The following BNC1 variants were observed in gnomAD, a reference collection of about 807,000 sequenced individuals.
BNC1 encodes the protein zinc finger protein basonuclin-1.
BNC1 carries 8 observed loss-of-function variants against 66.5 expected under a neutral mutation model. That is an observed-to-expected ratio of 0.12 (90% CI 0.07 to 0.22). The LOEUF (loss-of-function observed/expected upper bound fraction) is 0.22, where lower values mean the gene tolerates loss of function less well. Among genes scored for constraint, BNC1 ranks in the 10% least tolerant of loss-of-function variants. BNC1 has a pLI of 1.00. For synonymous variants in BNC1, 454 were observed against 452.6 expected (o/e 1.00, Z -0.04); for missense variants, 1,069 against 1,241.3 (o/e 0.86, Z 2.09).
rs141711507 is a variant in BNC1 at position 83,257,950 on chromosome 15, C to T, written c.2477G>A (p.Arg826Gln). The T allele has an allele frequency of 5.9e-5, 96 of 1,614,018 alleles. No homozygotes were observed. The highest frequency in any genetic ancestry group is 3.7e-4 in the Admixed American group (22 of 60,008). Reference sequence around the variant, plus strand: ...TATTGGGTAAACCAGACTGCCCATTCGACTTGTTCCTTTGAAGATGACAGA... The same window carrying T: ...TATTGGGTAAACCAGACTGCCCATTTGACTTGTTCCTTTGAAGATGACAGA... ...QTSVIFKGTS[R>Q]MGSLVYPITQ... The change falls in exon 5 of 5, where the codon CGA (arginine) becomes CAA (glutamine). Residue 826 changes from arginine to glutamine, a missense_variant. Arg to Gln is a conservative substitution (Grantham distance 43, BLOSUM62 1). Coordinates refer to ENST00000345382, the MANE Select transcript of BNC1 (RefSeq NM_001717.4).
intron 1 of BNC1, among the ~76,000 whole-genome samples, chr15:83,270,918 C>T (rs2038263507): frequency 6.6e-6 from 1 of 152,156 alleles, no homozygotes; most frequent in African/African-American, 2.4e-5. Context: ...ATACTGAAAG[C>T]CACTCAACTG....
intron 1 of BNC1, among the ~76,000 whole-genome samples, chr15:83,274,419 C>T (rs1207615709): frequency 6.6e-6 from 1 of 151,994 alleles, no homozygotes; most frequent in East Asian, 1.9e-4. Context: ...AAAATTCAGC[C>T]CCTTGGTCAC....
chr15:83,280,162 C>T (rs1282830097), intron 1 of BNC1, among the ~76,000 whole-genome samples: 1 of 152,064 alleles, frequency 6.6e-6, no homozygotes, highest in Non-Finnish European at 1.5e-5. Flanking sequence ...AACATGCAAA[C>T]ACTACCTTAA....
chr15:83,283,383 C>A (rs932628826), intron 1 of BNC1: 1 of 1,333,116 alleles, frequency 7.5e-7, no homozygotes, highest in Non-Finnish European at 9.6e-7. Flanking sequence ...CGGGAGACCC[C>A]GCAGCGGCCT....
chr15:83,283,065 G>GC (rs1567197280), intron 1 of BNC1: 3 of 1,484,428 alleles, frequency 2.0e-6, no homozygotes, highest in Non-Finnish European at 1.8e-6. Flanking sequence ...AGCGTCTGAT[G>GC]CCCCCCGCCC....
At chr15:83,276,227 A>C (rs77378189) in intron 1 of BNC1, among the ~76,000 whole-genome samples, 26 of 152,324 alleles carry the variant, frequency 1.7e-4, no homozygotes, top group Non-Finnish European at 3.2e-4. Context: ...ACAACAAGTA[A>C]GTTCTTCGGT....
chr15:83,260,349 A>C (rs1253010030), intron 4 of BNC1, among the ~76,000 whole-genome samples: 1 of 152,058 alleles, frequency 6.6e-6, no homozygotes, highest in East Asian at 2.0e-4. Context: ...GTTAATATAT[A>C]ATTTAAAGTT....
intron 2 of BNC1, among the ~76,000 whole-genome samples, chr15:83,267,763 G>A (rs2151437079): frequency 6.6e-6 from 1 of 152,050 alleles, no homozygotes; most frequent in South Asian, 2.1e-4. Context: ...ATATTCATTG[G>A]GATATACCTA....
Position 83,264,721 on chromosome 15 carries a change from T to G in BNC1, c.530A>C (p.Lys177Thr), listed in dbSNP as rs1453243322. The change falls in exon 4 of 5, where the codon AAA becomes ACA. Residue 177 changes from lysine to threonine, a missense_variant. By Grantham distance (78) the Lys-to-Thr change is moderately conservative (BLOSUM62 -1). This residue lies in a region of BNC1 where 181 missense variants were observed against 181.5 expected (regional missense o/e 1.00). Coordinates refer to ENST00000345382, the MANE Select transcript of BNC1 (RefSeq NM_001717.4). ...AATTGCCATGAGTTCAACTATAGAT[T>G]TGGTCTCTCCAAAACGAAGGAACTG... The part of the protein sequence containing the change: ...LQQFLRFGET[K>T]SIVELMAIQE... 6.2e-7 allele frequency: 1 copy of G among 1,614,134 alleles called. No individual in the cohort carries two copies.
At chr15:83,274,546 C>T (rs1178990478) in intron 1 of BNC1, among the ~76,000 whole-genome samples, 1 of 152,160 alleles carries the variant, frequency 6.6e-6, no homozygotes, top group East Asian at 1.9e-4. Flanking sequence ...AGGCTGAGTT[C>T]AATGGTAGGT....
At chr15:83,269,405 AAG>A (rs1468811880) in intron 1 of BNC1, among the ~76,000 whole-genome samples, 7 of 151,976 alleles carry the variant, frequency 4.6e-5, no homozygotes, top group African/African-American at 7.3e-5. Flanking sequence ...TATGATTCAC[AAG>A]AGTCTTGAAA....
Position 83,268,175 on chromosome 15 carries a change from G to A in BNC1, c.157C>T (p.His53Tyr), listed in dbSNP as rs1392827329. 1.9e-6 allele frequency: 3 copies of A among 1,614,158 alleles called. No individual in the cohort carries two copies. Among genetic ancestry groups the A allele is most frequent in the Admixed American group, 3.3e-5 (2 of 60,026 alleles). The change falls in exon 2 of 5, where the codon CAC (histidine) becomes TAC (tyrosine). Residue 53 changes from histidine to tyrosine, a missense_variant. His to Tyr is a moderately conservative substitution (Grantham distance 83). Transcript: ENST00000345382. ...TGCTTGCATTGGTCACACTGACGGT[G>A]GTTTATTTTCCCGGGTTTGAAACTT... ...CQSFKPGKIN[H>Y]RQCDQCKHGW...
intron 1 of BNC1, among the ~76,000 whole-genome samples, chr15:83,274,531 G>A (rs2038300326): frequency 6.6e-6 from 1 of 152,178 alleles, no homozygotes; most frequent in South Asian, 2.1e-4. Flanking sequence ...AAGCTCTACT[G>A]GACAAGGCTG....
chr15:83,258,810 GATA>G (rs1469611013), intron 4 of BNC1, among the ~76,000 whole-genome samples: 1 of 152,160 alleles, frequency 6.6e-6, no homozygotes, highest in Non-Finnish European at 1.5e-5. Flanking sequence ...ATGTTGAAAG[GATA>G]ATATTTTGGA....
intron 1 of BNC1, among the ~76,000 whole-genome samples, chr15:83,271,792 C>CT (rs2038271857): frequency 2.0e-5 from 3 of 152,152 alleles, no homozygotes; most frequent in Admixed American, 2.0e-4. Flanking sequence ...AACTATTTTA[C>CT]TTTTTGGTTA....
intron 1 of BNC1, chr15:83,283,089 A>G: frequency 1.4e-6 from 2 of 1,385,444 alleles, no homozygotes; most frequent in Non-Finnish European, 1.9e-6. Flanking sequence ...AACCACACAC[A>G]ACTTCACTCA....
chr15:83,257,572 A>C lies in BNC1; in HGVS notation c.2855T>G (p.Leu952Arg). The change falls in exon 5 of 5, where the codon CTC (leucine) becomes CGC (arginine). Residue 952 changes from leucine to arginine, a missense_variant. Leu to Arg is a moderately radical substitution (Grantham distance 102). This residue lies in a region of BNC1 where 657 missense variants were observed against 715.8 expected (regional missense o/e 0.92). Coordinates refer to ENST00000345382, the MANE Select transcript of BNC1 (RefSeq NM_001717.4). ...TACTTTGCATTTGTGGAGCTGCCGG[A>C]GGTGCACAGTTTTGTAGTGGGCCCT... ...TFRAHYKTVH[L>R]RQLHKCKVPG... 1 of 1,614,040 alleles carries C rather than the reference A, an allele frequency of 6.2e-7. No homozygotes were observed. The highest frequency in any genetic ancestry group is 8.5e-7 in the Non-Finnish European group (1 of 1,180,000).
intron 4 of BNC1, among the ~76,000 whole-genome samples, chr15:83,259,807 A>G (rs531219229): frequency 6.6e-6 from 1 of 152,312 alleles, no homozygotes; most frequent in East Asian, 1.9e-4. Flanking sequence ...CTCAAGCCTT[A>G]GAGGGTTAGA....
chr15:83,264,419 G>T lies in BNC1; in HGVS notation c.832C>A (p.Gln278Lys), dbSNP rs751048801. 3.1e-6 allele frequency: 5 copies of T among 1,614,050 alleles called. No individual in the cohort carries two copies. The highest frequency in any genetic ancestry group is 3.4e-6 in the Non-Finnish European group (4 of 1,180,030). The change falls in exon 4 of 5, where the codon CAG becomes AAG. Residue 278 changes from glutamine to lysine, a missense_variant. Physicochemically the swap from Gln to Lys is moderately conservative, Grantham distance 53. This residue lies in a region of BNC1 where 181 missense variants were observed against 181.5 expected (regional missense o/e 1.00). Coordinates refer to ENST00000345382, the MANE Select transcript of BNC1 (RefSeq NM_001717.4). ...TCAGGGAAGGGCCCATGGACTTCCT[G>T]TTTGGGGTCCTGACTTTGGTCATGA... The part of the protein sequence containing the change: ...QGHDQSQDPK[Q>K]EVHGPFPDSS...
Sources: gnomAD v4.1 joint callset for allele counts (sites outside exome capture counted in the v4.1 genomes callset) on GRCh38, gnomAD v4.1.1 for gene constraint, gnomAD v4.1.1 regional missense constraint, MANE v1.5 for transcripts, NCBI Gene and HGNC (gene_info 2026-07-23, HGNC 2026-07-21) for gene names.